Variants in NNMT observed in about 807,000 individuals in gnomAD.
NNMT encodes nicotinamide N-methyltransferase.
Under a neutral mutation model 11.7 loss-of-function variants are expected in NNMT, and 10 were observed. That is an observed-to-expected ratio of 0.85 (90% confidence interval 0.53 to 1.45). The LOEUF (loss-of-function observed/expected upper bound fraction) is 1.45, where lower values mean the gene tolerates loss of function less well. Ranked by LOEUF, NNMT falls within the 40% of genes most tolerant of loss-of-function variation. The pLI is 0.00. For synonymous variants in NNMT, 143 were observed against 133.8 expected, an observed-to-expected ratio of 1.07 and a Z score of -0.48; for missense variants, 381 against 319.4, an observed-to-expected ratio of 1.19 and a Z score of -1.47.
At chr11:114,261,162 G>A (rs1318518435) in intron 1 of NNMT, among the ~76,000 whole-genome samples, 1 of 152,238 alleles carries the variant, frequency 6.6e-6, no homozygotes, top group Non-Finnish European at 1.5e-5. Context: ...AGGAGCCTGG[G>A]ATTCTGGAGT....
intron 2 of NNMT, among the ~76,000 whole-genome samples, chr11:114,301,107 G>A (rs537149381): frequency 6.6e-6 from 1 of 152,330 alleles, no homozygotes; most frequent in East Asian, 1.9e-4. Context: ...ACCAAATGCT[G>A]ATGAGGCTGT....
rs558881830 is a variant in NNMT, at chr11:114,308,040, C to T, written c.363-4005C>T. Among the ~76,000 whole-genome samples, 113 of 152,242 alleles carry T rather than the reference C, an allele frequency of 7.4e-4. 1 individual carries two copies. The East Asian group carries it at 8.3e-3, about 11-fold the overall frequency. ...ATCTCCATGAGGTTAGAATCTGTTT[C>T]TCATTTGTTCATCCTTGTGTCCCCA... On this transcript the variant is annotated intron_variant, in intron 2 of 2. Coordinates refer to ENST00000299964, the MANE Select transcript of NNMT (RefSeq NM_006169.3).
intron 2 of NNMT, chr11:114,263,060 C>T (rs990552435): frequency 6.6e-6 from 1 of 152,216 alleles, no homozygotes; most frequent in Non-Finnish European, 1.5e-5. Context: ...TCTCAGAAAT[C>T]TGTCGATTAC....
rs1945319598 is a variant in NNMT at position 114,289,363 on chromosome 11, A to G, written c.-129-7065A>G. Among the ~76,000 whole-genome samples the G allele has an allele frequency of 3.3e-5, 5 of 152,296 alleles. No individual in the cohort carries two copies. In the South Asian group the frequency reaches 1.0e-3, roughly 32 times the overall value. On this transcript the variant is annotated intron_variant, in intron 2 of 4. Coordinates refer to the NNMT transcript ENST00000535401. ...AACTTTTGGACCTGTTGATTCTCCC[A>G]TTAATTCTTAGCTTTTGTGCTCTGC...
chr11:114,273,772 G>A (rs1438171819), intron 2 of NNMT, among the ~76,000 whole-genome samples: 1 of 152,104 alleles, frequency 6.6e-6, no homozygotes, highest in Non-Finnish European at 1.5e-5. Context: ...CTCAGGAGTC[G>A]GAGGTTGCAG....
At chr11:114,287,807 G>C (rs1591832566) in intron 2 of NNMT, among the ~76,000 whole-genome samples, 1 of 152,168 alleles carries the variant, frequency 6.6e-6, no homozygotes, top group East Asian at 1.9e-4. Flanking sequence ...ATTTTACTGA[G>C]TCTATAAATC....
rs564262143 is a variant in NNMT, at chr11:114,265,152, C to A, written c.-130+2218C>A. 2.6e-5 allele frequency among the ~76,000 whole-genome samples: 4 copies of A among 152,320 alleles called. No individual in the cohort carries two copies. In the East Asian group the frequency reaches 7.7e-4, roughly 29 times the overall value. On this transcript the variant is annotated intron_variant, in intron 2 of 4. Transcript: ENST00000535401. The stretch of plus-strand genomic sequence containing the variant: ...CTGAAGCTGCCTATGGGCTGCCAAC[C>A]CCTCAGTAAACTCATTCGCATATGA...
intron 2 of NNMT, among the ~76,000 whole-genome samples, chr11:114,287,182 T>C (rs1945306067): frequency 6.6e-6 from 1 of 152,192 alleles, no homozygotes; most frequent in Non-Finnish European, 1.5e-5. Flanking sequence ...ATCTTTTCCC[T>C]CTCTGTAGAG....
At chr11:114,291,251 G>A (rs116168847) in intron 2 of NNMT, among the ~76,000 whole-genome samples, 1,527 of 152,268 alleles carry the variant, frequency 0.01, 27 homozygotes, top group African/African-American at 0.035. Context: ...GTACTCTGTG[G>A]TGTGAGAGCT....
intron 2 of NNMT, among the ~76,000 whole-genome samples, chr11:114,272,257 G>A (rs1183425114): frequency 2.0e-5 from 3 of 152,008 alleles, no homozygotes; most frequent in Non-Finnish European, 4.4e-5. Flanking sequence ...AAATCCAGCC[G>A]GAATCTTTTG....
chr11:114,267,941 C>G (rs1945134205), intron 2 of NNMT, among the ~76,000 whole-genome samples: 1 of 152,162 alleles, frequency 6.6e-6, no homozygotes, highest in Non-Finnish European at 1.5e-5. Context: ...GAATTAAGAG[C>G]CAAATCATAC....
intron 1 of NNMT, 76 bp downstream of exon 1, chr11:114,296,786 T>C: frequency 7.0e-7 from 1 of 1,430,830 alleles, no homozygotes; most frequent in African/African-American, 1.4e-5. Context: ...CTGGGTTTTG[T>C]GTCTCTCGTT....
intron 1 of NNMT, 101 bp from the exon 2 acceptor site, chr11:114,297,850 G>A (rs1333094613): frequency 3.0e-6 from 3 of 986,536 alleles, no homozygotes; most frequent in Non-Finnish European, 1.6e-6. Context: ...GTCTGTCTTT[G>A]AGGATCGCCA....
At position 114,312,305 on chromosome 11, in the gene NNMT, A is replaced by T; in HGVS notation, c.623A>T (p.Glu208Val). Residue 208 changes from glutamate to valine, a missense_variant, in exon 3 of 3, where the codon GAG (glutamate) becomes GTG (valine). By Grantham distance (121) the Glu-to-Val change is moderately radical. Transcript: ENST00000299964. ...AAGAGCAGCTACTACATGATTGGTG[A>T]GCAGAAGTTCTCCAGCCTCCCCCTG... ...ALKSSYYMIG[E>V]QKFSSLPLGR... 6.2e-7 allele frequency: 1 copy of T among 1,614,200 alleles called. No homozygotes were observed. Among genetic ancestry groups the T allele is most frequent in the Non-Finnish European group, 8.5e-7 (1 of 1,180,032 alleles).
intron 2 of NNMT, among the ~76,000 whole-genome samples, chr11:114,299,659 G>A (rs914698840): frequency 1.3e-5 from 2 of 152,140 alleles, no homozygotes; most frequent in Admixed American, 6.6e-5. Flanking sequence ...AAATTTTTGT[G>A]CGAGAGAAGA....
At chr11:114,273,398 A>G (rs1945187178) in intron 2 of NNMT, among the ~76,000 whole-genome samples, 1 of 152,172 alleles carries the variant, frequency 6.6e-6, no homozygotes, top group Non-Finnish European at 1.5e-5. Flanking sequence ...TCCAAATGAT[A>G]TTGATATTTT....
intron 2 of NNMT, among the ~76,000 whole-genome samples, chr11:114,310,129 C>A (rs922206860): frequency 2.6e-5 from 4 of 152,198 alleles, no homozygotes; most frequent in Non-Finnish European, 5.9e-5. Context: ...TATACCTAGA[C>A]AGATTTCCTG....
chr11:114,281,067 G>T (rs1259436410), intron 2 of NNMT, among the ~76,000 whole-genome samples: 2 of 152,182 alleles, frequency 1.3e-5, no homozygotes, highest in Non-Finnish European at 2.9e-5. Context: ...TCCCACTAGG[G>T]ACGTAGGCTA....
At chr11:114,287,508 C>T (rs1347976554) in intron 2 of NNMT, among the ~76,000 whole-genome samples, 1 of 152,076 alleles carries the variant, frequency 6.6e-6, no homozygotes, top group East Asian at 1.9e-4. Flanking sequence ...ATCTTTTTCC[C>T]CACTGATCTA....
Sources: allele counts gnomAD v4.1 joint callset (sites outside exome capture counted in the v4.1 genomes callset), GRCh38; gene constraint gnomAD v4.1.1; transcripts MANE v1.5; gene names NCBI Gene and HGNC (gene_info 2026-07-23, HGNC 2026-07-21).